The following RNF125 variants were observed in gnomAD, a reference collection of about 807,000 sequenced individuals.
RNF125 encodes E3 ubiquitin-protein ligase RNF125.
RNF125 carries 21 observed loss-of-function variants against 26.0 expected under a neutral mutation model. The observed-to-expected ratio is 0.81, with a 90% confidence interval of 0.57 to 1.16. RNF125 has a LOEUF of 1.16. RNF125 is among the 50% of genes most tolerant of loss of function. The probability of loss-of-function intolerance (pLI) is 0.00; values close to 1 mark genes in which losing one functional copy is unlikely to be tolerated. For missense variants in RNF125, 270 were observed against 299.4 expected (o/e 0.90, Z 0.72); for synonymous variants, 95 against 109.2 (o/e 0.87, Z 0.81).
At chr18:32,075,953 C>T, downstream of RNF125, 1 of 1,524,050 alleles carries the variant, frequency 6.6e-7, no homozygotes, top group Non-Finnish European at 9.0e-7. Context: ...TCCATGATGC[C>T]AGCTGAGGTT....
intron 4 of RNF125, among the ~76,000 whole-genome samples, chr18:32,051,278 A>G (rs539309216): frequency 6.6e-6 from 1 of 152,158 alleles, no homozygotes; most frequent in Non-Finnish European, 1.5e-5. Context: ...TTCTTTGCAG[A>G]GTGCCTAGAA....
rs1295449690 is a variant in RNF125, at chr18:32,030,520, A to G, written c.165-6596A>G. On this transcript the variant is annotated intron_variant, in intron 1 of 5. Coordinates refer to ENST00000217740, the MANE Select transcript of RNF125 (RefSeq NM_017831.4). ...TTCCTGATGAGTTTTAAATTGATCC[A>G]GAAATATGCATGAGTGGCTTTCATT... Among the ~76,000 whole-genome samples, 7 of 152,354 alleles carry G rather than the reference A, an allele frequency of 4.6e-5. No homozygotes were observed. In the East Asian group the frequency reaches 1.3e-3, roughly 29 times the overall value.
chr18:32,021,591 C>T (rs553799690), intron 1 of RNF125, among the ~76,000 whole-genome samples: 18 of 152,132 alleles, frequency 1.2e-4, no homozygotes, highest in Non-Finnish European at 1.5e-5. Context: ...AAAGATATCT[C>T]CATTTAAATT....
intron 1 of RNF125, among the ~76,000 whole-genome samples, chr18:32,020,433 C>T (rs2038976186): frequency 6.6e-6 from 1 of 151,812 alleles, no homozygotes; most frequent in Non-Finnish European, 1.5e-5. Flanking sequence ...TACTTAATGT[C>T]CTTTGAAGGG....
At chr18:32,042,038 G>A (rs1179892141) in intron 2 of RNF125, 141 bp from the exon 3 acceptor site, 15 of 642,080 alleles carry the variant, frequency 2.3e-5, no homozygotes, top group South Asian at 5.2e-5. Flanking sequence ...AATTTTTGGT[G>A]GTACTGGTGT....
chr18:32,044,891 C>G (rs781105040), intron 3 of RNF125, among the ~76,000 whole-genome samples: 1 of 151,612 alleles, frequency 6.6e-6, no homozygotes, highest in Non-Finnish European at 1.5e-5. Flanking sequence ...GAGGTCAAGG[C>G]GGGTGGATTG....
At chr18:32,056,103 A>C (rs1387714431) in intron 4 of RNF125, among the ~76,000 whole-genome samples, 1 of 152,018 alleles carries the variant, frequency 6.6e-6, no homozygotes, top group Admixed American at 6.6e-5. Context: ...TTTGTTTTTA[A>C]CGTCATATAG....
At chr18:32,084,653 A>G in the RNF125 span, among the ~76,000 whole-genome samples, 3 of 152,202 alleles carry the variant, frequency 2.0e-5, no homozygotes, top group African/African-American at 7.2e-5. Flanking sequence ...ACTGACTAGA[A>G]TATCAGAATC....
At chr18:32,076,251 C>T (rs1249024372), downstream of RNF125, 7 of 419,018 alleles carry the variant, frequency 1.7e-5, no homozygotes, top group East Asian at 5.3e-5. Context: ...AGAGCATCAG[C>T]CAGGACATTT....
intron 2 of RNF125, among the ~76,000 whole-genome samples, chr18:32,039,858 T>C (rs2901365): frequency 0.73 from 108,673 of 149,774 alleles, 39,972 homozygotes; most frequent in African/African-American, 0.84. Context: ...TGGCTCACTG[T>C]AACCTCCACT....
chr18:32,055,325 A>G (rs1179428425), intron 4 of RNF125, among the ~76,000 whole-genome samples: 1 of 150,966 alleles, frequency 6.6e-6, no homozygotes, highest in Admixed American at 6.6e-5. Flanking sequence ...AAGAAATTAG[A>G]CCAAGTTATT....
At chr18:32,066,196 T>C in intron 5 of RNF125, 187 bp downstream of exon 5, 2 of 368,428 alleles carry the variant, frequency 5.4e-6, no homozygotes, top group Non-Finnish European at 1.0e-5. Flanking sequence ...ACGCCTGTAA[T>C]CCCAACACTT....
chr18:32,060,499 T>C (rs2144508352), intron 4 of RNF125, among the ~76,000 whole-genome samples: 1 of 152,310 alleles, frequency 6.6e-6, no homozygotes, highest in Non-Finnish European at 1.5e-5. Flanking sequence ...AAAAAGCCCA[T>C]ACAGAGATGA....
At chr18:32,047,057 G>T (rs77056574) in intron 4 of RNF125, among the ~76,000 whole-genome samples, 1,735 of 151,942 alleles carry the variant, frequency 0.011, 27 homozygotes, top group African/African-American at 0.039. Context: ...TGTTGTTGTT[G>T]TTTTTAGACG....
intron 1 of RNF125, among the ~76,000 whole-genome samples, chr18:32,030,858 CTTATTATT>C (rs1248494300): frequency 6.6e-6 from 1 of 152,222 alleles, no homozygotes; most frequent in East Asian, 1.9e-4. Context: ...AGAGAGCTCG[CTTATTATT>C]TTATTATTTT....
intron 1 of RNF125, among the ~76,000 whole-genome samples, chr18:32,034,900 C>CA (rs10674977): frequency 0.38 from 42,880 of 113,602 alleles, 8,739 homozygotes; most frequent in African/African-American, 0.58. Context: ...AACTCCATCT[C>CA]AAAAAAAAAA....
intron 4 of RNF125, among the ~76,000 whole-genome samples, chr18:32,064,290 A>G (rs2039461805): frequency 6.6e-6 from 1 of 151,984 alleles, no homozygotes; most frequent in African/African-American, 2.4e-5. Flanking sequence ...CAGGGATTAC[A>G]CTTCAACATG....
At chr18:32,050,683 C>T (rs183339622) in intron 4 of RNF125, among the ~76,000 whole-genome samples, 1 of 151,614 alleles carries the variant, frequency 6.6e-6, no homozygotes, top group Non-Finnish European at 1.5e-5. Flanking sequence ...ATATTAGACT[C>T]GAAGGAAGCA....
chr18:32,035,930 A>G (rs1478661193), intron 1 of RNF125, among the ~76,000 whole-genome samples: 1 of 152,176 alleles, frequency 6.6e-6, no homozygotes, highest in Non-Finnish European at 1.5e-5. Context: ...AGGCAGGTGG[A>G]TCACCTGAGG....
Sources: gnomAD v4.1 joint callset for allele counts (sites outside exome capture counted in the v4.1 genomes callset) on GRCh38, gnomAD v4.1.1 for gene constraint, MANE v1.5 for transcripts, NCBI Gene and HGNC (gene_info 2026-07-23, HGNC 2026-07-21) for gene names.